Variants in UGCG observed in about 807,000 individuals in gnomAD.
UGCG encodes the protein UDP-glucose ceramide glucosyltransferase, also known as ceramide glucosyltransferase.
UGCG carries 10 observed loss-of-function variants against 49.5 expected under a neutral mutation model. The ratio of observed to expected loss-of-function variants is 0.20; its 90% CI spans 0.12 to 0.34. UGCG has a LOEUF of 0.34. Ranked by LOEUF, UGCG falls within the 10% of genes least tolerant of loss-of-function variation. UGCG has a pLI of 1.00. For missense variants in UGCG, 312 were observed against 483.7 expected (o/e 0.65, Z 3.33); for synonymous variants, 182 against 158.2 (o/e 1.15, Z -1.13).
At chr9:111,912,029 G>GAT (rs60468274) in intron 1 of UGCG, among the ~76,000 whole-genome samples, 7,132 of 64,596 alleles carry the variant, frequency 0.11, 935 homozygotes, top group Admixed American at 0.12. Context: ...TATTCAACAG[G>GAT]ATATATATAT....
intron 2 of UGCG, among the ~76,000 whole-genome samples, chr9:111,919,981 G>C (rs188076270): frequency 2.0e-5 from 3 of 152,158 alleles, no homozygotes; most frequent in Admixed American, 2.0e-4. Flanking sequence ...GCCAAATATT[G>C]TTTTGAGAGT....
intron 2 of UGCG, among the ~76,000 whole-genome samples, chr9:111,920,311 T>C (rs1359146659): frequency 6.6e-6 from 1 of 151,982 alleles, no homozygotes; most frequent in Non-Finnish European, 1.5e-5. Context: ...TTAGCTAACC[T>C]TCTTCATTAA....
intron 2 of UGCG, among the ~76,000 whole-genome samples, chr9:111,921,970 C>G (rs1054448388): frequency 6.6e-6 from 1 of 151,640 alleles, no homozygotes; most frequent in African/African-American, 2.4e-5. Context: ...CCTCACCATG[C>G]CCAGCTAATT....
At chr9:111,913,407 T>G (rs558793398) in intron 1 of UGCG, among the ~76,000 whole-genome samples, 1 of 152,228 alleles carries the variant, frequency 6.6e-6, no homozygotes, top group Non-Finnish European at 1.5e-5. Context: ...TGATGTTAAC[T>G]GGGGCACGTT....
Position 111,929,615 on chromosome 9 carries a change from G to C in UGCG, c.674G>C (p.Gly225Ala). 6.2e-7 allele frequency: 1 copy of C among 1,614,078 alleles called. No homozygotes were observed. Residue 225 changes from glycine (G) to alanine (A), a missense_variant, in exon 6 of 9, where the codon GGA (glycine) becomes GCA (alanine). Physicochemically the swap from Gly to Ala is moderately conservative, Grantham distance 60 (BLOSUM62 0). Transcript: ENST00000374279. ...AAAGATGTGTTGGATCAAGCAGGAG[G>C]ACTTATAGCTTTTGCTCAGTACATT... is the stretch of plus-strand genomic sequence containing the variant. ...MRKDVLDQAG[G>A]LIAFAQYIAE... is the part of the protein sequence containing the mutation.
intron 4 of UGCG, among the ~76,000 whole-genome samples, chr9:111,925,125 T>C (rs1838293681): frequency 1.3e-5 from 2 of 152,182 alleles, no homozygotes; most frequent in Non-Finnish European, 2.9e-5. Flanking sequence ...AAATTAAAAA[T>C]GGTTGTGGTT....
intron 3 of UGCG, 91 bp from the exon 4 acceptor site, chr9:111,924,686 C>T (rs1838286928): frequency 2.1e-6 from 1 of 482,926 alleles, no homozygotes; most frequent in Middle Eastern, 6.0e-4. Context: ...ATTAAATATG[C>T]AAGTATTCTC....
At chr9:111,916,994 TTAAAAAATTGAAA>T (rs1838124697) in intron 2 of UGCG, among the ~76,000 whole-genome samples, 1 of 151,766 alleles carries the variant, frequency 6.6e-6, no homozygotes, top group Admixed American at 6.6e-5. Context: ...AAAATAAAAA[TTAAAAAATTGAAA>T]TAAAAAATTG....
At chr9:111,924,919 T>G (rs376113277) in intron 4 of UGCG, 41 bp downstream of exon 4, 8 of 1,239,240 alleles carry the variant, frequency 6.5e-6, no homozygotes, top group African/African-American at 3.2e-5. Context: ...ACTATTAATT[T>G]GAAGATAAAA....
chr9:111,915,943 A>G (rs1197433310), intron 2 of UGCG: 2 of 437,262 alleles, frequency 4.6e-6, no homozygotes, highest in Non-Finnish European at 6.1e-6. Flanking sequence ...AGCTGTTTTG[A>G]AGCAAAAAAA....
chr9:111,932,445 T>C, intron 8 of UGCG, 86 bp downstream of exon 8: 1 of 1,331,492 alleles, frequency 7.5e-7, no homozygotes, highest in South Asian at 1.5e-5. Flanking sequence ...GAAATGTATC[T>C]GAGCCATTCT....
At chr9:111,918,544 G>T (rs1838152279) in intron 2 of UGCG, among the ~76,000 whole-genome samples, 1 of 151,802 alleles carries the variant, frequency 6.6e-6, no homozygotes, top group Non-Finnish European at 1.5e-5. Flanking sequence ...ACTTTTTTTT[G>T]GATAATATGA....
chr9:111,916,708 C>A (rs1309497440), intron 2 of UGCG, among the ~76,000 whole-genome samples: 1 of 151,726 alleles, frequency 6.6e-6, no homozygotes, highest in Non-Finnish European at 1.5e-5. Flanking sequence ...TCAAGCAATC[C>A]CCCCACCTCA....
At chr9:111,913,006 A>T (rs1028909589) in intron 1 of UGCG, among the ~76,000 whole-genome samples, 1 of 152,202 alleles carries the variant, frequency 6.6e-6, no homozygotes, top group Non-Finnish European at 1.5e-5. Context: ...CCCATGGCTA[A>T]GTGGTCTGGG....
chr9:111,926,357 CCTCT>C lies in UGCG; in HGVS notation c.446-24_446-21del, dbSNP rs568796619. The C allele has an allele frequency of 2.6e-6, 4 of 1,540,200 alleles. No individual in the cohort carries two copies. In the South Asian group the frequency reaches 5.0e-5, roughly 19 times the overall value. On this transcript the variant is annotated intron_variant, in intron 4 of 8. Coordinates refer to ENST00000374279, the MANE Select transcript of UGCG (RefSeq NM_003358.3). ...CTAAAAACAAATTTTCTTTTCTCCCCCTCTCTGCCTTTTTTTTAAATTGTAGTAA... is the reference window on the plus strand; with the variant it reads ...CTAAAAACAAATTTTCTTTTCTCCCCCTGCCTTTTTTTTAAATTGTAGTAA...
At chr9:111,918,704 C>T (rs774556841) in intron 2 of UGCG, among the ~76,000 whole-genome samples, 30 of 152,140 alleles carry the variant, frequency 2.0e-4, no homozygotes, top group Non-Finnish European at 2.8e-4. Context: ...GAGGCCGAGG[C>T]GGGCGGATCA....
At chr9:111,920,902 G>A (rs963576354) in intron 2 of UGCG, among the ~76,000 whole-genome samples, 1 of 148,174 alleles carries the variant, frequency 6.7e-6, no homozygotes, top group African/African-American at 2.6e-5. Flanking sequence ...TTATGTTGTC[G>A]TCGTTTTGTT....
chr9:111,921,474 G>T lies in UGCG; in HGVS notation c.241-1375G>T, dbSNP rs554632505. The stretch of plus-strand genomic sequence containing the variant: ...AGACCAGCCCGGCCAATGAAACTCC[G>T]TCTCTACTAAAAATACAAAAATTAG... On this transcript the variant is annotated intron_variant, in intron 2 of 8. Coordinates refer to ENST00000374279, the MANE Select transcript of UGCG (RefSeq NM_003358.3). Among the ~76,000 whole-genome samples the T allele has an allele frequency of 3.2e-3, 489 of 151,924 alleles. 1 individual carries two copies. Among genetic ancestry groups the T allele is most frequent in the Non-Finnish European group, 5.6e-3 (382 of 67,964 alleles).
intron 7 of UGCG, 34 bp from the exon 8 acceptor site, chr9:111,932,136 A>T (rs903878861): frequency 2.5e-6 from 4 of 1,596,732 alleles, no homozygotes; most frequent in Non-Finnish European, 3.4e-6. Context: ...TAGCCAGGAT[A>T]TTGTTTTAAA....
Sources: allele counts gnomAD v4.1 joint callset (sites outside exome capture counted in the v4.1 genomes callset), GRCh38; gene constraint gnomAD v4.1.1; transcripts MANE v1.5; gene names NCBI Gene and HGNC (gene_info 2026-07-23, HGNC 2026-07-21).